Variants in ELOVL5 observed in about 807,000 individuals in gnomAD.
The protein encoded by ELOVL5 is very long chain fatty acid elongase 5.
Under a neutral mutation model 38.6 loss-of-function variants are expected in ELOVL5, and 8 were observed. The observed-to-expected ratio is 0.21, with a 90% CI of 0.12 to 0.37. ELOVL5 has a LOEUF of 0.37. Among genes scored for constraint, ELOVL5 ranks in the 10% least tolerant of loss-of-function variants. The pLI is 1.00. For synonymous variants in ELOVL5, 127 were observed against 133.7 expected, an observed-to-expected ratio of 0.95 and a Z score of 0.34; for missense variants, 280 against 367.8, an observed-to-expected ratio of 0.76 and a Z score of 1.95.
At chr6:53,341,095 C>G (rs1769304976) in intron 1 of ELOVL5, among the ~76,000 whole-genome samples, 2 of 152,170 alleles carry the variant, frequency 1.3e-5, no homozygotes, top group Non-Finnish European at 2.9e-5. Flanking sequence ...ATTTCTTACA[C>G]TAACAATTGT....
chr6:53,347,616 T>C (rs996736517), intron 1 of ELOVL5, among the ~76,000 whole-genome samples: 27 of 152,162 alleles, frequency 1.8e-4, no homozygotes, highest in Admixed American at 1.8e-3. Context: ...GGTCCCGCTA[T>C]TTAAAACAAA....
In ELOVL5 at chr6:53,279,314, T is replaced by A. The variant is rs963975562; in HGVS notation, c.247-3058A>T. Among the ~76,000 whole-genome samples, 11 of 152,298 alleles carry A rather than the reference T, an allele frequency of 7.2e-5. No individual in the cohort carries two copies. In the East Asian group the frequency reaches 1.2e-3, roughly 16 times the overall value. Reference sequence around the variant, plus strand: ...GTACCCCCATCTCCAGCTCTCAAAATCCTATCTATCCTTCAAAGTTCAGTT... The same window carrying A: ...GTACCCCCATCTCCAGCTCTCAAAAACCTATCTATCCTTCAAAGTTCAGTT... On this transcript the variant is annotated intron_variant, in intron 3 of 7. Coordinates refer to ENST00000304434, the MANE Select transcript of ELOVL5 (RefSeq NM_021814.5).
chr6:53,327,765 C>T (rs758077433), intron 1 of ELOVL5, among the ~76,000 whole-genome samples: 5 of 152,274 alleles, frequency 3.3e-5, no homozygotes, highest in East Asian at 3.9e-4. Context: ...ATCTTTCCAT[C>T]GTTCTGCTTA....
chr6:53,307,748 A>C (rs1206243920), intron 1 of ELOVL5, among the ~76,000 whole-genome samples: 1 of 152,224 alleles, frequency 6.6e-6, no homozygotes, highest in Non-Finnish European at 1.5e-5. Flanking sequence ...CTTCTCTGTG[A>C]GTAGAAGAGC....
chr6:53,285,465 AC>A (rs1238427193), intron 3 of ELOVL5, among the ~76,000 whole-genome samples: 1 of 152,208 alleles, frequency 6.6e-6, no homozygotes, highest in Non-Finnish European at 1.5e-5. Context: ...CATCTCCATA[AC>A]ACAAAAGGGC....
chr6:53,309,869 T>C (rs1391536359), intron 1 of ELOVL5, among the ~76,000 whole-genome samples: 1 of 152,206 alleles, frequency 6.6e-6, no homozygotes, highest in African/African-American at 2.4e-5. Context: ...CAGCTTCAGA[T>C]GAATGCAGCC....
At chr6:53,327,573 C>T (rs1768604807) in intron 1 of ELOVL5, among the ~76,000 whole-genome samples, 1 of 152,128 alleles carries the variant, frequency 6.6e-6, no homozygotes, top group Non-Finnish European at 1.5e-5. Flanking sequence ...CAGTGGTCTC[C>T]TTTGGGGATG....
In ELOVL5 at chr6:53,268,115, C is replaced by T. The variant is rs754006653; in HGVS notation, c.*1012G>A. The T allele has an allele frequency of 6.6e-6, 1 of 151,980 alleles. No homozygotes were observed. The highest frequency in any genetic ancestry group is 2.4e-5 in the African/African-American group (1 of 41,372). 9.4% of individuals were successfully genotyped at this position (151,980 alleles called of 1,614,324 possible). A position where few individuals can be genotyped will look rare whatever the true frequency, so the allele number is the denominator to read the frequency against. On this transcript the variant is annotated 3_prime_UTR_variant, in exon 8 of 8. Coordinates refer to ENST00000304434, the MANE Select transcript of ELOVL5 (RefSeq NM_021814.5). ...CCTTTGTTAATTTTGGTAAACTAGG[C>T]ACATTTTACAAGGAAATCTGTGTCA...
chr6:53,346,797 A>T (rs1769565416), intron 1 of ELOVL5, among the ~76,000 whole-genome samples: 1 of 152,216 alleles, frequency 6.6e-6, no homozygotes, highest in Non-Finnish European at 1.5e-5. Flanking sequence ...TAGAAGCAGG[A>T]AGACAAGCAA....
intron 1 of ELOVL5, among the ~76,000 whole-genome samples, chr6:53,297,960 A>G (rs370829693): frequency 2.6e-5 from 4 of 152,324 alleles, no homozygotes; most frequent in East Asian, 3.9e-4. Context: ...ACACAGTTAA[A>G]TAAGAAATGT....
At chr6:53,329,667 T>C (rs974262808) in intron 1 of ELOVL5, among the ~76,000 whole-genome samples, 5 of 151,832 alleles carry the variant, frequency 3.3e-5, no homozygotes, top group African/African-American at 7.3e-5. Flanking sequence ...CTACTAAAAA[T>C]AGAAAAATTA....
At chr6:53,285,530 T>A (rs1254794928) in intron 3 of ELOVL5, among the ~76,000 whole-genome samples, 1 of 151,054 alleles carries the variant, frequency 6.6e-6, no homozygotes, top group Non-Finnish European at 1.5e-5. Context: ...TCTGGAAGAT[T>A]TAACTAAGAT....
Position 53,270,717 on chromosome 6 carries a change from A to T in ELOVL5, c.632T>A (p.Val211Glu). ...YITQGQLLQF[V>E]LTIIQTSCGV... is the part of the protein sequence containing the mutation. ...GCAGCTGGTCTGGATGATTGTCAGC[A>T]CAAACTGAAGCTAGGGGAACAGAGG... Residue 211 changes from valine to glutamate, a missense_variant, in exon 7 of 8, where the codon GTG (valine) becomes GAG (glutamate). By Grantham distance (121) the Val-to-Glu change is moderately radical (BLOSUM62 -2). This residue lies in a region of ELOVL5 where 125 missense variants were observed against 158.9 expected (regional missense o/e 0.79). Coordinates refer to ENST00000304434, the MANE Select transcript of ELOVL5 (RefSeq NM_021814.5). 1.9e-6 allele frequency: 3 copies of T among 1,614,208 alleles called. No individual in the cohort carries two copies. Among genetic ancestry groups the T allele is most frequent in the Non-Finnish European group, 1.7e-6 (2 of 1,180,028 alleles).
intron 1 of ELOVL5, among the ~76,000 whole-genome samples, chr6:53,297,522 A>T (rs550688265): frequency 6.6e-6 from 1 of 152,148 alleles, no homozygotes; most frequent in Admixed American, 6.5e-5. Context: ...TTCACCCTTG[A>T]GTCACTTTGT....
rs1387756428 is a variant in ELOVL5, at chr6:53,269,255, C to A, written c.772G>T (p.Gly258Trp). ...AGGTGGTCTTTCCTTCGGGAGGCCC[C>A]TTTCTTGTTGTAGGTCTAAAATGTG... is the stretch of plus-strand genomic sequence containing the variant. ...NFYIQTYNKK[G>W]ASRRKDHLKD... Residue 258 changes from glycine (G) to tryptophan (W), a missense_variant, in exon 8 of 8, where the codon GGG becomes TGG. Physicochemically the swap from Gly to Trp is radical, Grantham distance 184. Around this residue, in one of 3 missense-constraint regions of ELOVL5, gnomAD observed 125 missense variants for 158.9 expected, o/e 0.79. Coordinates refer to ENST00000304434, the MANE Select transcript of ELOVL5 (RefSeq NM_021814.5). 3 of 1,610,402 alleles carry A rather than the reference C, an allele frequency of 1.9e-6. No homozygotes were observed. The Admixed American group carries it at 5.1e-5, about 27-fold the overall frequency.
At chr6:53,298,024 A>G (rs781197603) in intron 1 of ELOVL5, among the ~76,000 whole-genome samples, 1 of 152,238 alleles carries the variant, frequency 6.6e-6, no homozygotes, top group Non-Finnish European at 1.5e-5. Context: ...CAGGAAGAGC[A>G]CTGGCTAAAA....
intron 1 of ELOVL5, among the ~76,000 whole-genome samples, chr6:53,325,456 G>T (rs778131430): frequency 2.4e-4 from 37 of 152,284 alleles, no homozygotes; most frequent in Non-Finnish European, 4.9e-4. Flanking sequence ...AGATATTTAT[G>T]CCTGTCAAGT....
intron 1 of ELOVL5, among the ~76,000 whole-genome samples, chr6:53,343,348 G>T (rs767708545): frequency 6.6e-6 from 1 of 152,082 alleles, no homozygotes; most frequent in Non-Finnish European, 1.5e-5. Context: ...AAGGAGCTGG[G>T]ACTACAGGCA....
intron 1 of ELOVL5, among the ~76,000 whole-genome samples, chr6:53,329,542 G>A (rs892245314): frequency 3.3e-5 from 5 of 152,038 alleles, no homozygotes; most frequent in African/African-American, 1.2e-4. Flanking sequence ...ATACTATGTC[G>A]GTCAGGTGCA....
Sources: allele counts gnomAD v4.1 joint callset (sites outside exome capture counted in the v4.1 genomes callset), GRCh38; gene constraint gnomAD v4.1.1; regional missense constraint gnomAD v4.1.1; transcripts MANE v1.5; gene names NCBI Gene and HGNC (gene_info 2026-07-23, HGNC 2026-07-21).